VPS13B: variants seen among roughly 807,000 people sequenced by gnomAD.
VPS13B encodes vacuolar protein sorting 13 homolog B.
Under a neutral mutation model 426.4 loss-of-function variants are expected in VPS13B, and 285 were observed. The ratio of observed to expected loss-of-function variants is 0.67; its 90% CI spans 0.61 to 0.74. The LOEUF (loss-of-function observed/expected upper bound fraction) is 0.74, where lower values mean the gene tolerates loss of function less well. Ranked by LOEUF, VPS13B falls within the 30% of genes least tolerant of loss-of-function variation. The probability of loss-of-function intolerance (pLI) is 0.00; values close to 1 mark genes in which losing one functional copy is unlikely to be tolerated. For missense variants in VPS13B, 4,537 were observed against 4,782.6 expected (o/e 0.95, Z 1.51); for synonymous variants, 1,676 against 1,676.4 (o/e 1.00, Z 0.01).
intron 44 of VPS13B, among the ~76,000 whole-genome samples, chr8:99,814,168 T>G (rs561412115): frequency 6.6e-6 from 1 of 152,270 alleles, no homozygotes; most frequent in East Asian, 1.9e-4. Flanking sequence ...AATAGTTCAT[T>G]TATAAATAGT....
intron 19 of VPS13B, among the ~76,000 whole-genome samples, chr8:99,373,481 GTTACCA>G (rs887643639): frequency 1.3e-4 from 20 of 152,202 alleles, no homozygotes; most frequent in African/African-American, 4.3e-4. Context: ...ATAGTTTGAG[GTTACCA>G]TTACATCTTC....
At chr8:99,377,404 T>C (rs1192750616) in intron 19 of VPS13B, among the ~76,000 whole-genome samples, 2 of 152,210 alleles carry the variant, frequency 1.3e-5, no homozygotes, top group Non-Finnish European at 1.5e-5. Flanking sequence ...TCCTAAACTA[T>C]CTTGTTATGT....
At chr8:99,257,584 A>G (rs549934777) in intron 17 of VPS13B, among the ~76,000 whole-genome samples, 2 of 145,566 alleles carry the variant, frequency 1.4e-5, no homozygotes, top group East Asian at 4.0e-4. Flanking sequence ...ACACACACAC[A>G]CGATGTTTAA....
chr8:99,187,215 G>A (rs1813268126), intron 16 of VPS13B, among the ~76,000 whole-genome samples: 1 of 151,928 alleles, frequency 6.6e-6, no homozygotes, highest in African/African-American at 2.4e-5. Flanking sequence ...GGGTTTTTTG[G>A]TGCAGGGGCG....
chr8:99,159,572 T>C (rs1811534533), intron 15 of VPS13B, among the ~76,000 whole-genome samples: 1 of 152,184 alleles, frequency 6.6e-6, no homozygotes, highest in South Asian at 2.1e-4. Flanking sequence ...ACCACCATCC[T>C]GATTAGTAAG....
At chr8:99,402,810 AAGG>A (rs1175091850) in intron 21 of VPS13B, among the ~76,000 whole-genome samples, 5 of 152,232 alleles carry the variant, frequency 3.3e-5, no homozygotes, top group African/African-American at 1.2e-4. Context: ...AAGCCTGAGA[AAGG>A]AGGGAAATAA....
At chr8:99,234,609 C>T (rs1816540545) in intron 17 of VPS13B, 22 of 392,606 alleles carry the variant, frequency 5.6e-5, no homozygotes, top group South Asian at 4.5e-4. Context: ...AGTGCGCTCG[C>T]GCAGTCCCTA....
At chr8:99,308,499 G>C (rs555252885) in intron 19 of VPS13B, among the ~76,000 whole-genome samples, 4 of 152,282 alleles carry the variant, frequency 2.6e-5, no homozygotes, top group African/African-American at 9.6e-5. Flanking sequence ...TCCCTACAAA[G>C]GACATGAACT....
intron 34 of VPS13B, among the ~76,000 whole-genome samples, chr8:99,659,117 G>A (rs757895384): frequency 6.6e-6 from 1 of 152,042 alleles, no homozygotes; most frequent in Non-Finnish European, 1.5e-5. Flanking sequence ...TTGCAGACCC[G>A]TTGTCAGTTT....
chr8:99,396,330 C>A (rs1814724807), intron 21 of VPS13B, among the ~76,000 whole-genome samples: 1 of 151,856 alleles, frequency 6.6e-6, no homozygotes, highest in African/African-American at 2.4e-5. Flanking sequence ...AGAGGTCAAG[C>A]AACTTATCCA....
intron 35 of VPS13B, chr8:99,696,630 C>T (rs1832015667): frequency 2.9e-6 from 2 of 685,166 alleles, no homozygotes; most frequent in Non-Finnish European, 5.5e-6. Context: ...TCGGGTCAAC[C>T]TGGAGCTGGC....
intron 40 of VPS13B, among the ~76,000 whole-genome samples, chr8:99,772,368 A>G (rs1811546382): frequency 6.6e-6 from 1 of 152,190 alleles, no homozygotes. Context: ...AAATAGTTTG[A>G]AAAAGACAAA....
At chr8:99,376,302 A>G (rs1441172927) in intron 19 of VPS13B, among the ~76,000 whole-genome samples, 1 of 152,226 alleles carries the variant, frequency 6.6e-6, no homozygotes, top group Non-Finnish European at 1.5e-5. Flanking sequence ...AAAGGTTGGT[A>G]TCTTGTGAAT....
chr8:99,235,077 G>T (rs2132869025), intron 17 of VPS13B, among the ~76,000 whole-genome samples: 1 of 152,240 alleles, frequency 6.6e-6, no homozygotes, highest in Non-Finnish European at 1.5e-5. Context: ...TTTCTGTGTA[G>T]ATTTTTAATT....
chr8:99,442,467 T>C lies in VPS13B; in HGVS notation c.3277T>C (p.Ser1093Pro), dbSNP rs752514763. Reference protein sequence around the residue: ...DSLPSPSTIVSGDIPGTVRSW... With the variant: ...DSLPSPSTIVPGDIPGTVRSW... The stretch of plus-strand genomic sequence containing the variant: ...CCTGCCTTCCCCAAGTACAATTGTA[T>C]CTGGTGACATTCCTGGAACAGTAAG... Residue 1093 changes from serine to proline, a missense_variant, in exon 23 of 62, where the codon TCT becomes CCT. Ser to Pro is a moderately conservative substitution (Grantham distance 74). Coordinates refer to ENST00000357162, the MANE Select transcript of VPS13B (RefSeq NM_152564.5). 6.2e-7 allele frequency: 1 copy of C among 1,614,024 alleles called. No homozygotes were observed. Among genetic ancestry groups the C allele is most frequent in the East Asian group, 2.2e-5 (1 of 44,856 alleles).
chr8:99,222,599 A>G (rs555181769), intron 17 of VPS13B, among the ~76,000 whole-genome samples: 1 of 152,220 alleles, frequency 6.6e-6, no homozygotes, highest in Non-Finnish European at 1.5e-5. Context: ...TAGGTGGATT[A>G]AAAGAAAAAC....
chr8:99,059,730 CTTTTTTTTT>C (rs34620587), intron 3 of VPS13B, among the ~76,000 whole-genome samples: 12 of 110,182 alleles, frequency 1.1e-4, no homozygotes, highest in African/African-American at 4.3e-4. Context: ...TTAGCTTCTG[CTTTTTTTTT>C]TTTTTTTTTT....
chr8:99,641,931 G>A lies in VPS13B; in HGVS notation c.5341G>A (p.Val1781Met), dbSNP rs759195132. 3.1e-6 allele frequency: 5 copies of A among 1,614,112 alleles called. No homozygotes were observed. Among genetic ancestry groups the A allele is most frequent in the South Asian group, 1.1e-5 (1 of 91,082 alleles). ...CAGTGACAGTGTTAAAATCAGAATA[G>A]TGCAAATAGAGCAGCACAGTGGTGC... ...IGSDSVKIRI[V>M]QIEQHSGASQ... Residue 1781 changes from valine (V) to methionine (M), a missense_variant, in exon 34 of 62, where the codon GTG (valine) becomes ATG (methionine). By Grantham distance (21) the Val-to-Met change is conservative (BLOSUM62 1). Coordinates refer to ENST00000357162, the MANE Select transcript of VPS13B (RefSeq NM_152564.5).
chr8:99,137,063 TTTCTA>T (rs922042025), intron 12 of VPS13B, among the ~76,000 whole-genome samples: 8 of 152,130 alleles, frequency 5.3e-5, no homozygotes, highest in Non-Finnish European at 1.0e-4. Flanking sequence ...GAATAAACCT[TTTCTA>T]TTCTAAATAC....
Sources: gnomAD v4.1 joint callset for allele counts (sites outside exome capture counted in the v4.1 genomes callset) on GRCh38, gnomAD v4.1.1 for gene constraint, MANE v1.5 for transcripts, NCBI Gene and HGNC (gene_info 2026-07-23, HGNC 2026-07-21) for gene names.